PDS5A: variants seen among roughly 807,000 people sequenced by gnomAD.
PDS5A encodes PDS5 cohesin associated factor A.
In PDS5A, 42 loss-of-function variants were observed where a neutral mutation model predicts 167.1. That is an observed-to-expected ratio of 0.25 (90% CI 0.20 to 0.33). The LOEUF is 0.33. Among genes scored for constraint, PDS5A ranks in the 10% least tolerant of loss-of-function variants. The pLI, the probability that PDS5A is intolerant of heterozygous loss-of-function variation, is 1.00. For synonymous variants in PDS5A, 553 were observed against 554.6 expected (o/e 1.00, Z 0.04); for missense variants, 1,033 against 1,605.9 (o/e 0.64, Z 6.10).
intron 2 of PDS5A, among the ~76,000 whole-genome samples, chr4:39,930,246 A>AAAATTTTTT: frequency 1.1e-5 from 1 of 93,086 alleles, no homozygotes. Flanking sequence ...AAAAAAAAAA[A>AAAATTTTTT]GTTTTTTTGT....
intron 26 of PDS5A, among the ~76,000 whole-genome samples, chr4:39,859,467 T>C (rs565533251): frequency 6.6e-6 from 1 of 152,198 alleles, no homozygotes; most frequent in Non-Finnish European, 1.5e-5. Context: ...AGTTGGAACT[T>C]CAAATTACAT....
chr4:39,952,669 T>C (rs1470540203), intron 2 of PDS5A, among the ~76,000 whole-genome samples: 1 of 151,982 alleles, frequency 6.6e-6, no homozygotes, highest in Non-Finnish European at 1.5e-5. Flanking sequence ...ATGTGATACA[T>C]TACCTAAATC....
Position 39,962,263 on chromosome 4 carries a change from A to G in PDS5A, c.138+14177T>C, listed in dbSNP as rs371555724. Among the ~76,000 whole-genome samples, 68 of 151,704 alleles carry G rather than the reference A, an allele frequency of 4.5e-4. No individual in the cohort carries two copies. In the East Asian group the frequency reaches 8.5e-3, roughly 19 times the overall value. ...AGTAGAGACGGGGTTTCACTGTGTT[A>G]GCCAGGATGGTCTTGATCTCCTGAC... On this transcript the variant is annotated intron_variant, in intron 2 of 32. Coordinates refer to ENST00000303538, the MANE Select transcript of PDS5A (RefSeq NM_001100399.2).
rs1730258843 is a variant in PDS5A at position 39,969,080 on chromosome 4, G to A, written c.138+7360C>T. Among the ~76,000 whole-genome samples the A allele has an allele frequency of 1.3e-5, 2 of 152,076 alleles. 1 individual carries two copies. Among genetic ancestry groups the A allele is most frequent in the South Asian group, 4.1e-4 (2 of 4,824 alleles). ...GTAAGCCACCGTGCCAGCTATTTGT[G>A]ATTCTTAATGTAACAATGATACTAA... On this transcript the variant is annotated intron_variant, in intron 2 of 32. Transcript: ENST00000303538.
At chr4:39,867,542 T>C (rs1337317701) in intron 22 of PDS5A, among the ~76,000 whole-genome samples, 1 of 125,360 alleles carries the variant, frequency 8.0e-6, no homozygotes, top group South Asian at 2.7e-4. Flanking sequence ...AAAAACCCCG[T>C]CTCTACTAAA....
chr4:39,973,670 A>G, intron 2 of PDS5A: 2 of 1,292,884 alleles, frequency 1.5e-6, no homozygotes, highest in Admixed American at 1.7e-5. Context: ...AAACCATCGT[A>G]TGTAGCTTTA....
chr4:39,918,920 TGAA>T (rs1485545503), intron 7 of PDS5A, among the ~76,000 whole-genome samples: 3 of 152,084 alleles, frequency 2.0e-5, no homozygotes, highest in Admixed American at 6.5e-5. Flanking sequence ...TTGAAAATAA[TGAA>T]GAAGATAGTT....
chr4:39,849,001 T>C, intron 27 of PDS5A, 31 bp from the exon 28 acceptor site: 1 of 1,441,716 alleles, frequency 6.9e-7, no homozygotes, highest in Non-Finnish European at 9.4e-7. Flanking sequence ...TATATAACTT[T>C]TAGTATTGCA....
rs1251899743 is a variant in PDS5A at position 39,837,546 on chromosome 4, T to C, written c.4010+310A>G. On this transcript the variant is annotated intron_variant, in intron 32 of 32. Transcript: ENST00000303538. Reference sequence around the variant, plus strand: ...TATCCAAAAGGTAGCCCTTATTTTATGTAAACCTCTGCAACCACTTGAAAG... The same window carrying C: ...TATCCAAAAGGTAGCCCTTATTTTACGTAAACCTCTGCAACCACTTGAAAG... 8 of 263,680 alleles carry C rather than the reference T, an allele frequency of 3.0e-5. No individual in the cohort carries two copies. In the East Asian group the frequency reaches 4.1e-4, roughly 13 times the overall value. 16.3% of individuals were successfully genotyped at this position (263,680 alleles called of 1,614,324 possible).
chr4:39,956,153 A>G (rs1728906008), intron 2 of PDS5A, among the ~76,000 whole-genome samples: 1 of 151,924 alleles, frequency 6.6e-6, no homozygotes, highest in South Asian at 2.1e-4. Flanking sequence ...AAACAGTATA[A>G]GAAAAACGTA....
In PDS5A at chr4:39,899,991, T is replaced by C. The variant is rs575983057; in HGVS notation, c.1581+435A>G. ...CACACGTAAAAATGTAAAGTTTTTT[T>C]CCCCAACCTTGCAAAAATTTAATGG... is the stretch of plus-strand genomic sequence containing the variant. On this transcript the variant is annotated intron_variant, in intron 14 of 32. Transcript: ENST00000303538. Among the ~76,000 whole-genome samples the C allele has an allele frequency of 4.6e-5, 7 of 152,120 alleles. No individual in the cohort carries two copies. The East Asian group carries it at 7.7e-4, about 17-fold the overall frequency.
At chr4:39,974,153 C>T in intron 2 of PDS5A, 5 of 575,944 alleles carry the variant, frequency 8.7e-6, no homozygotes, top group Admixed American at 7.6e-5. Flanking sequence ...TGCATACTCT[C>T]CTCCTAGCCA....
chr4:39,872,843 TTAAA>T (rs1437868109), intron 21 of PDS5A, 139 bp downstream of exon 21: 23 of 456,156 alleles, frequency 5.0e-5, no homozygotes, highest in African/African-American at 3.4e-4. Context: ...AGTTTCGAAT[TTAAA>T]TAAATAAAAA....
chr4:39,856,980 G>A (rs1321095149), intron 26 of PDS5A, among the ~76,000 whole-genome samples: 1 of 152,148 alleles, frequency 6.6e-6, no homozygotes, highest in Non-Finnish European at 1.5e-5. Flanking sequence ...GTGTCCATAT[G>A]CTATTGAAAC....
rs917181601 is a variant in PDS5A at position 39,849,513 on chromosome 4, A to G, written c.3219+7T>C. The stretch of plus-strand genomic sequence containing the variant: ...CTTAACACCCACTGGCCTAACACTC[A>G]TCTTACTTCATTTGTCTTGGATTCA... On this transcript the variant is annotated splice_region_variant and intron_variant, in intron 27 of 32. Coordinates refer to ENST00000303538, the MANE Select transcript of PDS5A (RefSeq NM_001100399.2). The G allele has an allele frequency of 8.1e-6, 13 of 1,604,178 alleles. No homozygotes were observed. The African/African-American group carries it at 1.1e-4, about 13-fold the overall frequency.
chr4:39,877,006 G>C lies in PDS5A; in HGVS notation c.2140C>G (p.Pro714Ala), dbSNP rs369492257. Residue 714 changes from proline (P) to alanine (A), a missense_variant, in exon 19 of 33, where the codon CCC becomes GCC. Coordinates refer to ENST00000303538, the MANE Select transcript of PDS5A (RefSeq NM_001100399.2). Reference protein sequence around the residue: ...NTGHKIETDLPQIRSTLIPIL... With the variant: ...NTGHKIETDLAQIRSTLIPIL... Reference sequence around the variant, plus strand: ...AAATGTACTCACGATCGTATCTGGGGAAGGTCTGTTTCTATTTTGTGACCT... The same window carrying C: ...AAATGTACTCACGATCGTATCTGGGCAAGGTCTGTTTCTATTTTGTGACCT... 4.7e-5 allele frequency: 76 copies of C among 1,610,210 alleles called. No homozygotes were observed. The highest frequency in any genetic ancestry group is 6.0e-5 in the Non-Finnish European group (71 of 1,178,000).
chr4:39,857,771 G>A (rs1279894014), intron 26 of PDS5A, among the ~76,000 whole-genome samples: 1 of 152,128 alleles, frequency 6.6e-6, no homozygotes. Context: ...GGACAGAACT[G>A]AAGGGAGAAA....
intron 2 of PDS5A, among the ~76,000 whole-genome samples, chr4:39,962,063 GT>G (rs113091640): frequency 1.8e-4 from 26 of 146,164 alleles, no homozygotes; most frequent in South Asian, 2.2e-4. Flanking sequence ...CTGAGTTTTT[GT>G]TTTTTTTTTT....
chr4:39,938,502 C>A (rs1384321618), intron 2 of PDS5A, among the ~76,000 whole-genome samples: 4 of 151,564 alleles, frequency 2.6e-5, no homozygotes, highest in African/African-American at 9.7e-5. Flanking sequence ...TGTAGTGAGC[C>A]AAGATCGTGC....
Sources: gnomAD v4.1 joint callset for allele counts (sites outside exome capture counted in the v4.1 genomes callset) on GRCh38, gnomAD v4.1.1 for gene constraint, MANE v1.5 for transcripts, NCBI Gene and HGNC (gene_info 2026-07-23, HGNC 2026-07-21) for gene names.